Variants in LOC128125822 observed in about 807,000 individuals in gnomAD.
the LOC128125822 span, chr6:63,579,083 C>T: frequency 6.7e-7 from 1 of 1,486,578 alleles, no homozygotes; most frequent in Non-Finnish European, 8.9e-7. Context: ...AATGAAAATA[C>T]AGAAACTTGA....
the LOC128125822 span, chr6:63,579,369 C>G: frequency 1.3e-6 from 2 of 1,482,876 alleles, no homozygotes; most frequent in Non-Finnish European, 1.9e-6. Context: ...TACTCTCTTT[C>G]ATTTCCTTGT....
the LOC128125822 span, chr6:63,578,862 A>C: frequency 6.8e-7 from 1 of 1,460,352 alleles, no homozygotes; most frequent in Non-Finnish European, 9.2e-7. Context: ...TGTTTATATT[A>C]ATGATCTAAA....
chr6:63,576,996 A>T, the LOC128125822 span: 3 of 1,594,736 alleles, frequency 1.9e-6, no homozygotes, highest in Non-Finnish European at 2.6e-6. Flanking sequence ...GTAAGATTTG[A>T]TATGTTTTAG....
the LOC128125822 span, among the ~76,000 whole-genome samples, chr6:63,576,114 C>A: frequency 6.7e-6 from 1 of 149,222 alleles, no homozygotes; most frequent in East Asian, 1.9e-4. Flanking sequence ...AGTATATATA[C>A]AGAGAATATA....
the LOC128125822 span, chr6:63,578,501 T>G: frequency 6.2e-7 from 1 of 1,612,230 alleles, no homozygotes; most frequent in African/African-American, 1.3e-5. Context: ...GACACTACTC[T>G]TGTGGAGAAA....
At chr6:63,579,190 T>G in the LOC128125822 span, 1 of 1,505,202 alleles carries the variant, frequency 6.6e-7, no homozygotes, top group Non-Finnish European at 9.1e-7. Flanking sequence ...TGGGGAATGT[T>G]TGGAGAAATA....
At chr6:63,579,536 AATT>A in the LOC128125822 span, among the ~76,000 whole-genome samples, 1 of 152,142 alleles carries the variant, frequency 6.6e-6, no homozygotes, top group East Asian at 1.9e-4. Flanking sequence ...AGAGTTTTTG[AATT>A]ATTGTTTTGC....
the LOC128125822 span, chr6:63,581,647 A>G: frequency 2.6e-5 from 4 of 152,114 alleles, no homozygotes; most frequent in Admixed American, 2.0e-4. Context: ...ACTTTCCATT[A>G]TATACTTTTT....
the LOC128125822 span, chr6:63,583,265 A>C: frequency 1.3e-5 from 2 of 152,242 alleles, no homozygotes; most frequent in Non-Finnish European, 2.9e-5. Flanking sequence ...TACATGAAGT[A>C]GTGTCTGCCA....
the LOC128125822 span, chr6:63,579,231 A>G: frequency 1.9e-6 from 3 of 1,571,972 alleles, no homozygotes; most frequent in Non-Finnish European, 2.6e-6. Context: ...TGAAAAAACT[A>G]TTTATCAAAA....
the LOC128125822 span, chr6:63,576,405 TTCTC>T: frequency 2.0e-5 from 8 of 399,824 alleles, no homozygotes; most frequent in Non-Finnish European, 3.1e-5. Flanking sequence ...AAATAACTTA[TTCTC>T]TCTTTCTGTC....
chr6:63,579,269 T>A, the LOC128125822 span: 1 of 1,611,080 alleles, frequency 6.2e-7, no homozygotes, highest in Non-Finnish European at 8.5e-7. Flanking sequence ...CTCCAGTACT[T>A]GTTGCCCTAG....
At chr6:63,579,934 G>A in the LOC128125822 span, 1 of 711,192 alleles carries the variant, frequency 1.4e-6, no homozygotes, top group Non-Finnish European at 2.4e-6. Context: ...TTCTGCATCA[G>A]GTCACAGCCT....
chr6:63,574,331 A>G, the LOC128125822 span, among the ~76,000 whole-genome samples: 20 of 152,032 alleles, frequency 1.3e-4, no homozygotes, highest in African/African-American at 4.8e-4. Flanking sequence ...CCCTTCTTGT[A>G]TATGATTGTG....
the LOC128125822 span, chr6:63,572,589 C>G: frequency 2.4e-6 from 1 of 416,264 alleles, no homozygotes; most frequent in East Asian, 3.5e-5. Flanking sequence ...CCGCCTGCAT[C>G]GCCGCCACCG....
At chr6:63,572,863 G>C in the LOC128125822 span, 1 of 393,152 alleles carries the variant, frequency 2.5e-6, no homozygotes, top group South Asian at 1.3e-4. Flanking sequence ...GGGAGCGGGC[G>C]GGTTATGGCC....
chr6:63,579,081 T>C, the LOC128125822 span: 1 of 1,494,280 alleles, frequency 6.7e-7, no homozygotes, highest in Non-Finnish European at 8.9e-7. Flanking sequence ...ATAATGAAAA[T>C]ACAGAAACTT....
the LOC128125822 span, chr6:63,572,755 G>A: frequency 2.5e-6 from 1 of 398,468 alleles, no homozygotes; most frequent in Non-Finnish European, 4.4e-6. Context: ...CTCGGGCTGG[G>A]AATCCACGAC....
the LOC128125822 span, chr6:63,573,417 G>C: frequency 6.6e-6 from 1 of 152,166 alleles, no homozygotes; most frequent in African/African-American, 2.4e-5. Context: ...GTGCTCGACG[G>C]CCGGGACCCG....
Sources: allele counts gnomAD v4.1 joint callset (sites outside exome capture counted in the v4.1 genomes callset), GRCh38; gene constraint gnomAD v4.1.1; transcripts MANE v1.5.